IRX4: variants seen among roughly 807,000 people sequenced by gnomAD.
The protein encoded by IRX4 is iroquois-class homeodomain protein IRX-4.
Under a neutral mutation model 32.0 loss-of-function variants are expected in IRX4, and 22 were observed. That is an observed-to-expected ratio of 0.69 (90% confidence interval 0.49 to 0.98). The LOEUF (loss-of-function observed/expected upper bound fraction) is 0.98, where lower values mean the gene tolerates loss of function less well. IRX4 is among the 50% of genes least tolerant of loss of function. The pLI is 0.00. For synonymous variants in IRX4, 379 were observed against 351.7 expected (o/e 1.08, Z -0.87); for missense variants, 840 against 744.2 (o/e 1.13, Z -1.50).
rs374782108 is a variant in IRX4 at position 1,880,688 on chromosome 5, G to C, written c.407+37C>G. ...TGGTGGCTGACAGTGCAGAGGGCCC[G>C]TGGGGCTAGTGCTGGTTAGGAGGGG... On this transcript the variant is annotated intron_variant, in intron 3 of 4. Coordinates refer to ENST00000231357, the MANE Select transcript of IRX4 (RefSeq NM_016358.3). 5 of 1,406,832 alleles carry C rather than the reference G, an allele frequency of 3.6e-6. No individual in the cohort carries two copies. The Admixed American group carries it at 6.7e-5, about 19-fold the overall frequency. 87.1% of individuals were successfully genotyped at this position (1,406,832 alleles called of 1,614,324 possible).
rs779741442 is a variant in IRX4, at chr5:1,878,110, C to T, written c.1419G>A (p.Ser473=). 89 of 1,539,314 alleles carry T rather than the reference C, an allele frequency of 5.8e-5. 1 individual carries two copies. The South Asian group carries it at 1.0e-3, about 18-fold the overall frequency. ...TCAGCACGTTCGCGCCCGCCCCCAG[C>T]GAGCGTCCCAGAGGCCCGGGGTCCA... is the stretch of plus-strand genomic sequence containing the variant. ...ALLDPGPLGR[S]LGAGANVLTA... is the part of the protein sequence containing the mutation. Residue 473 remains serine, a synonymous_variant, in exon 5 of 5, where the codon TCG becomes TCA. Coordinates refer to ENST00000231357, the MANE Select transcript of IRX4 (RefSeq NM_016358.3).
chr5:1,879,869 C>T (rs767207392), intron 3 of IRX4, 37 bp from the exon 4 acceptor site: 3 of 1,609,834 alleles, frequency 1.9e-6, no homozygotes, highest in South Asian at 2.2e-5. Flanking sequence ...AGGCTGGGCC[C>T]TCTGGGCCCC....
chr5:1,879,424 C>G (rs1209265485), intron 4 of IRX4, 80 bp downstream of exon 4: 2 of 1,596,684 alleles, frequency 1.3e-6, no homozygotes. Context: ...TTGGGACCCC[C>G]AAGACGTCCT....
At chr5:1,886,332 C>T (rs887839355), upstream of IRX4, among the ~76,000 whole-genome samples, 2 of 152,262 alleles carry the variant, frequency 1.3e-5, no homozygotes, top group African/African-American at 4.8e-5. Flanking sequence ...GCCCGGGGCA[C>T]CAGGCAAGGG....
upstream of IRX4, chr5:1,887,171 G>T (rs1213228250): frequency 2.6e-5 from 4 of 151,810 alleles, no homozygotes; most frequent in Non-Finnish European, 5.9e-5. Context: ...ATTTCCAGGC[G>T]GAGCACCTGG....
chr5:1,885,555 C>T (rs1209534917), upstream of IRX4, among the ~76,000 whole-genome samples: 3 of 152,158 alleles, frequency 2.0e-5, no homozygotes, highest in Non-Finnish European at 2.9e-5. Context: ...TCACAGTCAC[C>T]CTGCCTCGGG....
At chr5:1,881,089 T>G (rs1437805390) in intron 2 of IRX4, 47 of 355,778 alleles carry the variant, frequency 1.3e-4, no homozygotes, top group Admixed American at 3.1e-4. Context: ...GGAGGTGCAG[T>G]GTGGGGAGCG....
upstream of IRX4, among the ~76,000 whole-genome samples, chr5:1,885,839 T>C (rs1735611771): frequency 6.6e-6 from 1 of 152,242 alleles, no homozygotes; most frequent in African/African-American, 2.4e-5. Flanking sequence ...TCACCAACGA[T>C]AGGACGCTCA....
At chr5:1,879,305 G>C (rs748401189) in intron 4 of IRX4, among the ~76,000 whole-genome samples, 199 bp downstream of exon 4, 3 of 152,162 alleles carry the variant, frequency 2.0e-5, no homozygotes, top group Non-Finnish European at 2.9e-5. Context: ...ATTTTTATAC[G>C]TGATTTGAGT....
intron 4 of IRX4, 74 bp downstream of exon 4, chr5:1,879,430 G>T: frequency 4.4e-6 from 7 of 1,606,474 alleles, no homozygotes; most frequent in Non-Finnish European, 5.9e-6. Context: ...CCCCCAAGAC[G>T]TCCTAGAACC....
At chr5:1,880,118 G>T in intron 3 of IRX4, 1 of 1,535,640 alleles carries the variant, frequency 6.5e-7, no homozygotes, top group African/African-American at 1.4e-5. Flanking sequence ...ATTCCTTTAT[G>T]GGGATGACCG....
In IRX4 at chr5:1,878,483, G is replaced by A. The variant is rs1400214268; in HGVS notation, c.1046C>T (p.Ala349Val). The A allele has an allele frequency of 1.2e-5, 18 of 1,444,802 alleles. No individual in the cohort carries two copies. The highest frequency in any genetic ancestry group is 1.8e-4 in the Middle Eastern group (1 of 5,454). The allele number at this position is 1,444,802 out of a possible 1,614,324, so 89.5% of individuals were successfully genotyped here. A position where few individuals can be genotyped will look rare whatever the true frequency, so the allele number is the denominator to read the frequency against. Residue 349 changes from alanine (A) to valine (V), a missense_variant, in exon 5 of 5, where the codon GCC becomes GTC. Coordinates refer to ENST00000231357, the MANE Select transcript of IRX4 (RefSeq NM_016358.3). ...GAEGGPQVCE[A>V]KLGFVPAGAS... ...CCCCGCCGGCACAAACCCCAGCTTG[G>A]CCTCGCAGACCTGAGGGCCGCCCTC...
chr5:1,878,869 A>AT lies in IRX4; in HGVS notation c.737-78dup, dbSNP rs1735319641. On this transcript the variant is annotated intron_variant, in intron 4 of 4. Coordinates refer to ENST00000231357, the MANE Select transcript of IRX4 (RefSeq NM_016358.3). ...AGACCCCCTGTCCCCGTCCACCATT[A>AT]TGAGGCCTGTTCCCGACGCTACGAA... The AT allele has an allele frequency of 1.0e-5, 15 of 1,475,490 alleles. No individual in the cohort carries two copies. In the Admixed American group the frequency reaches 2.5e-4, roughly 25 times the overall value. 91.4% of individuals were successfully genotyped at this position (1,475,490 alleles called of 1,614,324 possible). A position where few individuals can be genotyped will look rare whatever the true frequency, so the allele number is the denominator to read the frequency against.
chr5:1,886,011 C>A (rs746746042), upstream of IRX4, among the ~76,000 whole-genome samples: 3 of 152,262 alleles, frequency 2.0e-5, no homozygotes, highest in African/African-American at 7.2e-5. Context: ...AGATGAGGTG[C>A]TCCCGCTGGC....
chr5:1,885,298 T>C (rs1272932386), upstream of IRX4, among the ~76,000 whole-genome samples: 1 of 152,188 alleles, frequency 6.6e-6, no homozygotes, highest in African/African-American at 2.4e-5. Context: ...CAGCCTCCAC[T>C]TCCCAGGGCA....
chr5:1,881,470 G>C (rs1036673873), intron 2 of IRX4, among the ~76,000 whole-genome samples: 6 of 151,930 alleles, frequency 3.9e-5, no homozygotes, highest in Admixed American at 3.9e-4. Flanking sequence ...CCTGAAGGAG[G>C]CGGGGAGAGG....
rs1188445569 is a variant in IRX4 at position 1,878,252 on chromosome 5, C to T, written c.1277G>A (p.Arg426Lys). The T allele has an allele frequency of 3.6e-5, 58 of 1,603,628 alleles. No individual in the cohort carries two copies. The highest frequency in any genetic ancestry group is 4.7e-5 in the Non-Finnish European group (55 of 1,176,142). Residue 426 changes from arginine (R) to lysine (K), a missense_variant, in exon 5 of 5, where the codon AGG becomes AAG. This residue lies in a region of IRX4 where 585 missense variants were observed against 488.0 expected (regional missense o/e 1.20). Transcript: ENST00000231357. ...VALPHSGALD[R>K]HQDSPVTSLR... ...ACTGGTTACCGGGGAGTCCTGGTGC[C>T]TGTCCAGGGCGCCAGAGTGGGGAAG...
At chr5:1,880,908 C>G (rs1328995026) in intron 2 of IRX4, 74 bp from the exon 3 acceptor site, 9 of 1,133,946 alleles carry the variant, frequency 7.9e-6, no homozygotes, top group Non-Finnish European at 1.2e-5. Flanking sequence ...CTAGGAGCCC[C>G]CCACTCCCAA....
At chr5:1,886,227 C>T (rs1493458), upstream of IRX4, among the ~76,000 whole-genome samples, 179 of 152,372 alleles carry the variant, frequency 1.2e-3, 5 homozygotes, top group East Asian at 0.032. Context: ...TCAGGAGTTA[C>T]CCTGGGGGCC....
Sources: gnomAD v4.1 joint callset for allele counts (sites outside exome capture counted in the v4.1 genomes callset) on GRCh38, gnomAD v4.1.1 for gene constraint, gnomAD v4.1.1 regional missense constraint, MANE v1.5 for transcripts, NCBI Gene and HGNC (gene_info 2026-07-23, HGNC 2026-07-21) for gene names.